Variants in IPCEF1 observed in about 807,000 individuals in gnomAD.
IPCEF1 encodes interaction protein for cytohesin exchange factors 1, also known as interactor protein for cytohesin exchange factors 1.
In IPCEF1, 31 loss-of-function variants were observed where a neutral mutation model predicts 50.9. That is an observed-to-expected ratio of 0.61 (90% CI 0.46 to 0.82). The LOEUF is 0.82. Ranked by LOEUF, IPCEF1 falls within the 40% of genes least tolerant of loss-of-function variation. IPCEF1 has a pLI of 0.00. For missense variants in IPCEF1, 458 were observed against 514.0 expected, an observed-to-expected ratio of 0.89 and a Z score of 1.05; for synonymous variants, 181 against 192.0, an observed-to-expected ratio of 0.94 and a Z score of 0.47.
chr6:154,344,833 C>G (rs1783995939), intron 1 of IPCEF1, among the ~76,000 whole-genome samples: 1 of 152,170 alleles, frequency 6.6e-6, no homozygotes, highest in Non-Finnish European at 1.5e-5. Flanking sequence ...TTTTAGCATA[C>G]TTATTCTCTA....
At chr6:154,213,971 G>C (rs991880800) in intron 8 of IPCEF1, among the ~76,000 whole-genome samples, 1 of 152,240 alleles carries the variant, frequency 6.6e-6, no homozygotes, top group East Asian at 1.9e-4. Context: ...GAGATGTCAT[G>C]AAGCCCACAG....
chr6:154,199,585 T>A (rs1776908934), intron 10 of IPCEF1, 83 bp downstream of exon 10: 1 of 1,395,488 alleles, frequency 7.2e-7, no homozygotes, highest in Non-Finnish European at 9.6e-7. Flanking sequence ...AGTTTAACCA[T>A]TCTTGTTACA....
At chr6:154,356,269 T>C (rs899017927) in intron 1 of IPCEF1, among the ~76,000 whole-genome samples, 5 of 152,168 alleles carry the variant, frequency 3.3e-5, no homozygotes, top group African/African-American at 1.2e-4. Context: ...GCTGCCTCCA[T>C]GCAAAGGAAG....
intron 2 of IPCEF1, among the ~76,000 whole-genome samples, chr6:154,285,143 T>A (rs956103434): frequency 6.6e-6 from 1 of 152,270 alleles, no homozygotes; most frequent in Non-Finnish European, 1.5e-5. Flanking sequence ...AAATTTTTTC[T>A]GTGTAAACTA....
chr6:154,256,536 C>CCT (rs1562568656), intron 3 of IPCEF1, among the ~76,000 whole-genome samples: 3 of 113,700 alleles, frequency 2.6e-5, no homozygotes, highest in Admixed American at 1.7e-4. Flanking sequence ...TCTCTGTCTC[C>CCT]GTCTCTCTCT....
chr6:154,167,363 T>C (rs1799525029), intron 11 of IPCEF1, among the ~76,000 whole-genome samples: 1 of 152,226 alleles, frequency 6.6e-6, no homozygotes, highest in Non-Finnish European at 1.5e-5. Flanking sequence ...GCTGGTCTAT[T>C]ACCACAGAGT....
intron 1 of IPCEF1, among the ~76,000 whole-genome samples, chr6:154,332,479 A>G (rs1783695987): frequency 6.6e-6 from 1 of 152,160 alleles, no homozygotes; most frequent in South Asian, 2.1e-4. Context: ...GTTTAAGTCT[A>G]TATGTGAAGA....
Position 154,259,266 on chromosome 6 carries a change from A to G in IPCEF1, c.36+6646T>C, listed in dbSNP as rs75642725. Among the ~76,000 whole-genome samples the G allele has an allele frequency of 2.9e-3, 441 of 152,344 alleles. 2 individuals are homozygous for G. The highest frequency in any genetic ancestry group is 0.01 in the African/African-American group (431 of 41,586). On this transcript the variant is annotated intron_variant, in intron 3 of 11. Transcript: ENST00000367220. ...TTTTGCTGAACAAATCTCTAGTTCT[A>G]CTAAAAGACTATTTCCTTAAAAAGC...
intron 3 of IPCEF1, among the ~76,000 whole-genome samples, chr6:154,264,530 G>A (rs1186219309): frequency 6.6e-6 from 1 of 151,924 alleles, no homozygotes. Flanking sequence ...GCACCACCAT[G>A]CCCGGCTAAT....
chr6:154,305,007 G>A (rs757539275), intron 1 of IPCEF1, among the ~76,000 whole-genome samples: 8 of 152,018 alleles, frequency 5.3e-5, no homozygotes, highest in Non-Finnish European at 8.8e-5. Context: ...CCAGCTACTC[G>A]GGAGGCTGAG....
chr6:154,322,529 G>C (rs951602804), intron 1 of IPCEF1, among the ~76,000 whole-genome samples: 4 of 151,820 alleles, frequency 2.6e-5, no homozygotes, highest in African/African-American at 9.7e-5. Flanking sequence ...AAAAGAAGAG[G>C]TAAAACTGCC....
chr6:154,256,537 GTCTC>G (rs10644644), intron 3 of IPCEF1, among the ~76,000 whole-genome samples: 450 of 146,154 alleles, frequency 3.1e-3, no homozygotes, highest in East Asian at 4.7e-3. Context: ...CTCTGTCTCC[GTCTC>G]TCTCTCTCTC....
chr6:154,219,645 A>T (rs57751478), intron 7 of IPCEF1, among the ~76,000 whole-genome samples: 6,506 of 152,272 alleles, frequency 0.043, 499 homozygotes, highest in African/African-American at 0.15. Context: ...AAATAAAAAA[A>T]AAATAAGTAA....
intron 1 of IPCEF1, among the ~76,000 whole-genome samples, chr6:154,340,522 G>T (rs956954202): frequency 3.3e-5 from 5 of 151,990 alleles, no homozygotes; most frequent in Non-Finnish European, 7.4e-5. Flanking sequence ...AAAGTGCTGG[G>T]ATTACAGGCA....
chr6:154,304,235 T>A (rs1388945521), intron 1 of IPCEF1, among the ~76,000 whole-genome samples: 1 of 151,922 alleles, frequency 6.6e-6, no homozygotes, highest in South Asian at 2.1e-4. Context: ...AAAATTTTTT[T>A]AATTAAAAAA....
intron 10 of IPCEF1, among the ~76,000 whole-genome samples, chr6:154,177,213 A>G (rs537203491): frequency 1.3e-5 from 2 of 152,240 alleles, no homozygotes; most frequent in Non-Finnish European, 2.9e-5. Context: ...AATACCGTTC[A>G]GGACATAGGC....
chr6:154,343,091 C>G (rs928476819), intron 1 of IPCEF1, among the ~76,000 whole-genome samples: 1 of 152,094 alleles, frequency 6.6e-6, no homozygotes, highest in Admixed American at 6.6e-5. Flanking sequence ...ACTCCAGCCT[C>G]GGCAAAAGAG....
intron 5 of IPCEF1, among the ~76,000 whole-genome samples, chr6:154,228,971 C>T (rs1462858282): frequency 2.6e-5 from 4 of 152,216 alleles, no homozygotes; most frequent in African/African-American, 7.2e-5. Flanking sequence ...CCCTATAATG[C>T]CCTTCCTACC....
rs1799089769 is a variant in IPCEF1 at position 154,162,288 on chromosome 6, T to C, written c.1105-2248A>G. On this transcript the variant is annotated intron_variant, in intron 11 of 11. Coordinates refer to ENST00000367220, the MANE Select transcript of IPCEF1 (RefSeq NM_001130700.2). ...CACATGTTTGCTGTTATTTCTTGCATGTTAAAATTCCTCTCTGCCCCCAAA... is the reference window on the plus strand; with the variant it reads ...CACATGTTTGCTGTTATTTCTTGCACGTTAAAATTCCTCTCTGCCCCCAAA... 2.0e-5 allele frequency among the ~76,000 whole-genome samples: 3 copies of C among 152,312 alleles called. No individual in the cohort carries two copies. The South Asian group carries it at 6.2e-4, about 32-fold the overall frequency.
Sources: gnomAD v4.1 joint callset for allele counts (sites outside exome capture counted in the v4.1 genomes callset) on GRCh38, gnomAD v4.1.1 for gene constraint, MANE v1.5 for transcripts, NCBI Gene and HGNC (gene_info 2026-07-23, HGNC 2026-07-21) for gene names.